ZGPAT: variants seen among roughly 807,000 people sequenced by gnomAD.
ZGPAT encodes zinc finger CCCH-type with G patch domain-containing protein.
Under a neutral mutation model 47.9 loss-of-function variants are expected in ZGPAT, and 39 were observed. That is an observed-to-expected ratio of 0.81 (90% CI 0.63 to 1.06). The LOEUF (loss-of-function observed/expected upper bound fraction) is 1.06. Among genes scored for constraint, ZGPAT ranks in the 50% least tolerant of loss-of-function variants. ZGPAT has a pLI of 0.00. For synonymous variants in ZGPAT, 348 were observed against 292.9 expected (o/e 1.19, Z -1.92); for missense variants, 717 against 681.4 (o/e 1.05, Z -0.58).
chr20:63,734,603 T>C (rs770870825), intron 4 of ZGPAT, 102 bp from the exon 5 acceptor site: 1 of 1,553,012 alleles, frequency 6.4e-7, no homozygotes, highest in East Asian at 2.3e-5. Context: ...TGCACAATCC[T>C]CTGGCCTGGC....
intron 2 of ZGPAT, among the ~76,000 whole-genome samples, chr20:63,713,233 G>A (rs1306998747): frequency 1.3e-5 from 2 of 149,602 alleles, no homozygotes; most frequent in African/African-American, 4.9e-5. Context: ...ACCACACCCA[G>A]CTAATTTTTT....
At chr20:63,731,039 A>G (rs1299800396) in intron 2 of ZGPAT, among the ~76,000 whole-genome samples, 1 of 149,884 alleles carries the variant, frequency 6.7e-6, no homozygotes, top group Non-Finnish European at 1.5e-5. Flanking sequence ...CTAAAAGTCA[A>G]GGCATCACTA....
chr20:63,724,349 A>G (rs1199350972), intron 2 of ZGPAT, among the ~76,000 whole-genome samples: 2 of 140,798 alleles, frequency 1.4e-5, no homozygotes, highest in African/African-American at 5.5e-5. Context: ...TAGATGACAG[A>G]GCGAGACTCT....
At chr20:63,721,355 TAA>T (rs201321716) in intron 2 of ZGPAT, among the ~76,000 whole-genome samples, 118 of 112,142 alleles carry the variant, frequency 1.1e-3, no homozygotes, top group East Asian at 5.3e-3. Context: ...CTGTCTCAAA[TAA>T]AAAAAAAAAA....
intron 2 of ZGPAT, among the ~76,000 whole-genome samples, chr20:63,710,915 C>T (rs1056393977): frequency 6.6e-6 from 1 of 152,194 alleles, no homozygotes; most frequent in Admixed American, 6.5e-5. Context: ...TTACTTTTCT[C>T]TTAGAAGAAA....
chr20:63,726,061 A>G (rs919671172), intron 2 of ZGPAT, among the ~76,000 whole-genome samples: 2 of 151,332 alleles, frequency 1.3e-5, no homozygotes, highest in African/African-American at 2.4e-5. Context: ...CTGGTGTTGA[A>G]CTCCGGACCT....
chr20:63,726,427 C>T lies in ZGPAT; in HGVS notation c.585-6792C>T, dbSNP rs1163393612. On this transcript the variant is annotated intron_variant, in intron 2 of 6. Coordinates refer to ENST00000355969, the MANE Select transcript of ZGPAT (RefSeq NM_181485.3). Reference sequence around the variant, plus strand: ...TGTTGGCCAGGCTGGTCTTAAACCCCTGACCTCAGGTGATCCGCCCGCCTA... The same window carrying T: ...TGTTGGCCAGGCTGGTCTTAAACCCTTGACCTCAGGTGATCCGCCCGCCTA... Among the ~76,000 whole-genome samples, 9 of 151,950 alleles carry T rather than the reference C, an allele frequency of 5.9e-5. No homozygotes were observed. In the East Asian group the frequency reaches 1.7e-3, roughly 29 times the overall value.
At chr20:63,732,544 T>C (rs905371077) in intron 2 of ZGPAT, among the ~76,000 whole-genome samples, 3 of 152,074 alleles carry the variant, frequency 2.0e-5, no homozygotes, top group Non-Finnish European at 2.9e-5. Flanking sequence ...TGTGCGTATA[T>C]CCATGTATGA....
In ZGPAT at chr20:63,708,719, A is replaced by G. The variant is rs747435623; in HGVS notation, c.139A>G (p.Ile47Val). The change falls in exon 2 of 7, where the codon ATC becomes GTC. Residue 47 changes from isoleucine to valine, a missense_variant. Coordinates refer to ENST00000355969, the MANE Select transcript of ZGPAT (RefSeq NM_181485.3). Reference sequence around the variant, plus strand: ...GCTGCAGGGGGACCTGAAGGAGCTCATCGAGCTCACCGAGGCCAGCCTGGT... The same window carrying G: ...GCTGCAGGGGGACCTGAAGGAGCTCGTCGAGCTCACCGAGGCCAGCCTGGT... ...RQLQGDLKELIELTEASLVSV... is the reference protein window; with the variant it reads ...RQLQGDLKELVELTEASLVSV... 1 of 1,612,782 alleles carries G rather than the reference A, an allele frequency of 6.2e-7. No individual in the cohort carries two copies. Among genetic ancestry groups the G allele is most frequent in the South Asian group, 1.1e-5 (1 of 91,086 alleles).
chr20:63,724,186 T>C (rs1226775092), intron 2 of ZGPAT, among the ~76,000 whole-genome samples: 1 of 151,454 alleles, frequency 6.6e-6, no homozygotes, highest in Admixed American at 6.6e-5. Context: ...GCCAACATGG[T>C]GAAACCCCGT....
chr20:63,734,631 T>C, intron 4 of ZGPAT, 74 bp from the exon 5 acceptor site: 1 of 1,587,654 alleles, frequency 6.3e-7, no homozygotes, highest in Non-Finnish European at 8.6e-7. Flanking sequence ...CTGCCCTCTG[T>C]CCATCTCTTG....
chr20:63,709,166 T>C lies in ZGPAT; in HGVS notation c.584+2T>C, dbSNP rs201369324. On this transcript the variant is annotated splice_donor_variant, in intron 2 of 6. Coordinates refer to ENST00000355969, the MANE Select transcript of ZGPAT (RefSeq NM_181485.3). LOFTEE classifies it high-confidence loss of function. ...GTGCCGCTTTAAGGAGAACTGCAGG[T>C]AAAGCCCTTTGTTGTCAGATGCCAA... 8 of 1,608,200 alleles carry C rather than the reference T, an allele frequency of 5.0e-6. No individual in the cohort carries two copies. The highest frequency in any genetic ancestry group is 6.8e-6 in the Non-Finnish European group (8 of 1,179,988).
At position 63,727,711 on chromosome 20, in the gene ZGPAT, C is replaced by T. The variant is rs7261639; in HGVS notation, c.585-5508C>T. Among the ~76,000 whole-genome samples, 3 of 148,370 alleles carry T rather than the reference C, an allele frequency of 2.0e-5. No individual in the cohort carries two copies. In the South Asian group the frequency reaches 6.4e-4, roughly 32 times the overall value. ...AAAAAGGATTCTCTATTTCCTGAAT[C>T]ATTGCCATCATATTTTCATTTAATT... On this transcript the variant is annotated intron_variant, in intron 2 of 6. Coordinates refer to ENST00000355969, the MANE Select transcript of ZGPAT (RefSeq NM_181485.3).
chr20:63,731,668 TTG>T (rs74203759), intron 2 of ZGPAT, among the ~76,000 whole-genome samples: 28,803 of 144,656 alleles, frequency 0.2, 3,700 homozygotes, highest in East Asian at 0.62. Context: ...CTGTGTGTGA[TTG>T]TGTGTGCATA....
chr20:63,726,497 A>G (rs1450358827), intron 2 of ZGPAT, among the ~76,000 whole-genome samples: 1 of 133,096 alleles, frequency 7.5e-6, no homozygotes, highest in Admixed American at 8.0e-5. Context: ...CCGGCCTTGA[A>G]TTTTTTTTTA....
At chr20:63,718,625 A>AT (rs368495569) in intron 2 of ZGPAT, among the ~76,000 whole-genome samples, 79 of 145,168 alleles carry the variant, frequency 5.4e-4, no homozygotes, top group Middle Eastern at 3.6e-3. Flanking sequence ...CCAGCCCCCA[A>AT]TTTTTTTTTT....
intron 2 of ZGPAT, among the ~76,000 whole-genome samples, chr20:63,728,838 A>G (rs2091869068): frequency 6.6e-6 from 1 of 152,180 alleles, no homozygotes; most frequent in African/African-American, 2.4e-5. Context: ...TTGCTGACTC[A>G]GGAGTAGGAG....
Position 63,734,717 on chromosome 20 carries a change from A to T in ZGPAT, c.884A>T (p.Asp295Val). The T allele has an allele frequency of 6.2e-7, 1 of 1,613,942 alleles. No homozygotes were observed. The highest frequency in any genetic ancestry group is 8.5e-7 in the Non-Finnish European group (1 of 1,179,914). The change falls in exon 5 of 7, where the codon GAT (aspartate) becomes GTT (valine). Residue 295 changes from aspartate (D) to valine (V), a missense_variant. By Grantham distance (152) the Asp-to-Val change is radical (BLOSUM62 -3). Transcript: ENST00000355969. ...DSSYARVVGS[D>V]AVDSGTCSSA... is the part of the protein sequence containing the mutation. ...CCGTCTCTTGCAGTGGTGGGGTCAG[A>T]TGCTGTGGACTCTGGGACCTGCAGC...
At chr20:63,722,079 A>G (rs1188832382) in intron 2 of ZGPAT, among the ~76,000 whole-genome samples, 1 of 151,776 alleles carries the variant, frequency 6.6e-6, no homozygotes, top group Non-Finnish European at 1.5e-5. Flanking sequence ...GCCCTGAGAG[A>G]GTTCGAGGGG....
Sources: gnomAD v4.1 joint callset for allele counts (sites outside exome capture counted in the v4.1 genomes callset) on GRCh38, gnomAD v4.1.1 for gene constraint, MANE v1.5 for transcripts, NCBI Gene and HGNC (gene_info 2026-07-23, HGNC 2026-07-21) for gene names.